INSR: variants seen among roughly 807,000 people sequenced by gnomAD.
The protein encoded by INSR is IR.
In INSR, 67 loss-of-function variants were observed where a neutral mutation model predicts 142.6. The observed-to-expected ratio is 0.47, with a 90% CI of 0.39 to 0.58. The LOEUF is 0.58. INSR is among the 20% of genes least tolerant of loss of function. The probability of loss-of-function intolerance (pLI) is 0.00; values close to 1 mark genes in which losing one functional copy is unlikely to be tolerated. For synonymous variants in INSR, 756 were observed against 743.1 expected, an observed-to-expected ratio of 1.02 and a Z score of -0.28; for missense variants, 1,248 against 1,833.2, an observed-to-expected ratio of 0.68 and a Z score of 5.83.
Position 7,122,901 on chromosome 19 carries a change from C to A in INSR, c.3347G>T (p.Arg1116Leu). 1 of 1,608,416 alleles carries A rather than the reference C, an allele frequency of 6.2e-7. No individual in the cohort carries two copies. Among genetic ancestry groups the A allele is most frequent in the Non-Finnish European group, 8.5e-7 (1 of 1,178,180 alleles). The change falls in exon 18 of 22, where the codon CGT (arginine) becomes CTT (leucine). Residue 1116 changes from arginine (R) to leucine (L), a missense_variant. This residue lies in a region of INSR where 1,069 missense variants were observed against 1,654.0 expected (regional missense o/e 0.65). Coordinates refer to ENST00000302850, the MANE Select transcript of INSR (RefSeq NM_000208.4). ...MAHGDLKSYL[R>L]SLRPEAENNP... is the part of the protein sequence containing the mutation. The stretch of plus-strand genomic sequence containing the variant: ...TACCTCAGCCTCTGGCCGCAGAGAA[C>A]GGAGGTAGCTCTTCAGGTCTCCGTG...
Position 7,151,154 on chromosome 19 carries a change from C to CTTTTCT in INSR, c.2232-623_2232-622insAGAAAA, listed in dbSNP as rs1319761582. ...TGTCCTTTCTTTCTCTCTTTCCTTT[C>CTTTTCT]TTTCTTTCTCTTTCTTTCTTTCTTT... On this transcript the variant is annotated intron_variant, in intron 10 of 21. Transcript: ENST00000302850. Among the ~76,000 whole-genome samples, 7 of 9,110 alleles carry CTTTTCT rather than the reference C, an allele frequency of 7.7e-4. No individual in the cohort carries two copies. In the South Asian group the frequency reaches 0.023, roughly 30 times the overall value. 6.0% of individuals were successfully genotyped at this position (9,110 alleles called of 152,430 possible).
At position 7,166,253 on chromosome 19, in the gene INSR, G is replaced by A; in HGVS notation, c.1762C>T (p.Gln588Ter). 1 of 1,614,140 alleles carries A rather than the reference G, an allele frequency of 6.2e-7. No homozygotes were observed. The highest frequency in any genetic ancestry group is 8.5e-7 in the Non-Finnish European group (1 of 1,180,034). ...AGGGTCTTCACAAAGATGGCATACTGGGTCCAGGGCTTGAGACCCCGCATC... is the reference window on the plus strand; with the variant it reads ...AGGGTCTTCACAAAGATGGCATACTAGGTCCAGGGCTTGAGACCCCGCATC... Reference protein sequence around the residue: ...WLMRGLKPWTQYAIFVKTLVT... With the variant: ...WLMRGLKPWT Residue 588 changes from glutamine to a stop codon, truncating the protein, a stop_gained, in exon 8 of 22, where the codon CAG becomes TAG. Coordinates refer to ENST00000302850, the MANE Select transcript of INSR (RefSeq NM_000208.4). LOFTEE classifies it high-confidence loss of function. The surrounding 1 kb of genome is among the most constrained non-coding windows in gnomAD (Gnocchi z 4.1).
At position 7,187,469 on chromosome 19, in the gene INSR, A is replaced by C. The variant is rs570064067; in HGVS notation, c.653-2832T>G. On this transcript the variant is annotated intron_variant, in intron 2 of 21. Transcript: ENST00000302850. ...AAAACTTTTAACTGCATTTCATTTTAATTTCAGTTTAAAATTTTTAAAAAG... is the reference window on the plus strand; with the variant it reads ...AAAACTTTTAACTGCATTTCATTTTCATTTCAGTTTAAAATTTTTAAAAAG... 1.4e-4 allele frequency among the ~76,000 whole-genome samples: 21 copies of C among 152,288 alleles called. No individual in the cohort carries two copies. The South Asian group carries it at 4.1e-3, about 30-fold the overall frequency.
At chr19:7,291,064 C>T (rs549232536) in intron 1 of INSR, among the ~76,000 whole-genome samples, 98 of 149,112 alleles carry the variant, frequency 6.6e-4, no homozygotes, top group African/African-American at 2.1e-3. Context: ...AGCAAGACTC[C>T]GTCTCAAAAA....
chr19:7,209,273 C>T (rs934119263), intron 2 of INSR, among the ~76,000 whole-genome samples: 2 of 152,216 alleles, frequency 1.3e-5, no homozygotes, highest in African/African-American at 4.8e-5. Context: ...CTGCAGTGAG[C>T]TGTGATCACA....
intron 3 of INSR, among the ~76,000 whole-genome samples, chr19:7,181,004 A>G (rs1974261466): frequency 6.6e-6 from 1 of 150,588 alleles, no homozygotes. Context: ...GCAGTGGCAC[A>G]CTCTCGGCTC....
intron 2 of INSR, among the ~76,000 whole-genome samples, chr19:7,206,435 G>A (rs1251813103): frequency 1.3e-5 from 2 of 152,178 alleles, no homozygotes; most frequent in Non-Finnish European, 2.9e-5. Context: ...AGTGGACGAG[G>A]GGCGGGCGAG....
At chr19:7,139,608 A>C (rs1287961534) in intron 13 of INSR, among the ~76,000 whole-genome samples, 1 of 152,180 alleles carries the variant, frequency 6.6e-6, no homozygotes, top group Non-Finnish European at 1.5e-5. Flanking sequence ...TTTTATTTTA[A>C]AAATGAATAT....
intron 1 of INSR, among the ~76,000 whole-genome samples, chr19:7,277,806 CCA>C: frequency 6.9e-6 from 1 of 145,546 alleles, no homozygotes; most frequent in Non-Finnish European, 1.5e-5. Context: ...CTAAAAAAAA[CCA>C]AGGCCGGACA....
In INSR at chr19:7,293,868, C is replaced by A; in HGVS notation, c.24G>T (p.Gly8=). The change falls in exon 1 of 22, where the codon GGG becomes GGT. Residue 8 remains glycine (G), a synonymous_variant. Transcript: ENST00000302850. ...CCACCAGCAGCGGCGCGGCCGCCGC[C>A]CCCCGCCGGCCCCCGGTGGCCATGG... The part of the protein sequence containing the change: MATGGRR[G]AAAAPLLVAV... The A allele has an allele frequency of 8.1e-7, 1 of 1,239,356 alleles. No individual in the cohort carries two copies. The highest frequency in any genetic ancestry group is 1.0e-6 in the Non-Finnish European group (1 of 997,714). 76.8% of individuals were successfully genotyped at this position (1,239,356 alleles called of 1,614,324 possible).
At chr19:7,271,061 CA>C (rs372484773) in intron 1 of INSR, among the ~76,000 whole-genome samples, 4 of 141,498 alleles carry the variant, frequency 2.8e-5, no homozygotes, top group Non-Finnish European at 3.1e-5. Context: ...GACTCTGTCT[CA>C]AAAAAAAAAC....
chr19:7,198,472 G>T (rs1260696005), intron 2 of INSR, among the ~76,000 whole-genome samples: 1 of 152,190 alleles, frequency 6.6e-6, no homozygotes, highest in Non-Finnish European at 1.5e-5. Flanking sequence ...ATCCACCGGG[G>T]TGGCTTAGGC....
intron 2 of INSR, among the ~76,000 whole-genome samples, chr19:7,262,800 A>G (rs566607927): frequency 1.6e-4 from 24 of 152,350 alleles, no homozygotes; most frequent in Admixed American, 5.9e-4. Context: ...CAGTCATCAC[A>G]TTCATAGAGA....
Position 7,159,843 on chromosome 19 carries a change from C to T in INSR, c.2029+3189G>A, listed in dbSNP as rs1973704044. ...TGGGAACTTAGCCAAAGCCCTTCAG[C>T]AGGTCAGGGCCAGAGCCAAGAGCAA... On this transcript the variant is annotated intron_variant, in intron 9 of 21. Transcript: ENST00000302850. The surrounding 1 kb of genome is among the most constrained non-coding windows in gnomAD (Gnocchi z 4.3). Among the ~76,000 whole-genome samples, 1 of 152,228 alleles carries T rather than the reference C, an allele frequency of 6.6e-6. No individual in the cohort carries two copies. The highest frequency in any genetic ancestry group is 1.5e-5 in the Non-Finnish European group (1 of 68,042).
In INSR at chr19:7,267,316, C is replaced by G. The variant is rs1568228686; in HGVS notation, c.652+29G>C. ...GCTTTCTAGAACAAGGCACGAGACA[C>G]TGCTTAGAACCCTGTATCCCCGGCG... On this transcript the variant is annotated intron_variant, in intron 2 of 21. Transcript: ENST00000302850. The surrounding 1 kb of genome is among the most constrained non-coding windows in gnomAD (Gnocchi z 6.3). The G allele has an allele frequency of 6.2e-7, 1 of 1,611,590 alleles. No individual in the cohort carries two copies. Among genetic ancestry groups the G allele is most frequent in the Non-Finnish European group, 8.5e-7 (1 of 1,178,034 alleles).
intron 1 of INSR, among the ~76,000 whole-genome samples, chr19:7,286,360 T>G (rs1353705621): frequency 6.6e-6 from 1 of 152,032 alleles, no homozygotes; most frequent in Non-Finnish European, 1.5e-5. Flanking sequence ...GGAATGCTTT[T>G]GGGGACAGGG....
chr19:7,140,016 C>T (rs1322931800), intron 13 of INSR, among the ~76,000 whole-genome samples: 3 of 152,060 alleles, frequency 2.0e-5, no homozygotes, highest in Non-Finnish European at 2.9e-5. Flanking sequence ...TTAGCAGAGA[C>T]GGAGTTTCGC....
intron 9 of INSR, among the ~76,000 whole-genome samples, chr19:7,153,507 AG>A (rs76397691): frequency 0.19 from 25,121 of 134,364 alleles, 3,398 homozygotes; most frequent in East Asian, 0.52. Context: ...CACACAGTGA[AG>A]GGGGCCTTCT....
chr19:7,181,560 C>CTTT (rs369084103), intron 3 of INSR, among the ~76,000 whole-genome samples: 3 of 137,028 alleles, frequency 2.2e-5, no homozygotes, highest in African/African-American at 8.1e-5. Flanking sequence ...ATGGTGAGAC[C>CTTT]TTTTTTTTTT....
Sources: allele counts gnomAD v4.1 joint callset (sites outside exome capture counted in the v4.1 genomes callset), GRCh38; gene constraint gnomAD v4.1.1; regional missense constraint gnomAD v4.1.1; non-coding constraint Gnocchi (gnomAD v3.1); transcripts MANE v1.5; gene names NCBI Gene and HGNC (gene_info 2026-07-23, HGNC 2026-07-21).